Variants in LUZP2 observed in about 807,000 individuals in gnomAD.
LUZP2 encodes the protein leucine zipper protein 2.
Under a neutral mutation model 51.6 loss-of-function variants are expected in LUZP2, and 52 were observed. The observed-to-expected ratio is 1.01, with a 90% CI of 0.81 to 1.27. The LOEUF is 1.27. LUZP2 is among the 50% of genes most tolerant of loss of function. LUZP2 has a pLI of 0.00. For missense variants in LUZP2, 436 were observed against 395.4 expected, an observed-to-expected ratio of 1.10 and a Z score of -0.87; for synonymous variants, 154 against 137.3, an observed-to-expected ratio of 1.12 and a Z score of -0.85.
chr11:24,856,085 T>C (rs1158915938), intron 5 of LUZP2, among the ~76,000 whole-genome samples: 2 of 151,666 alleles, frequency 1.3e-5, no homozygotes, highest in Non-Finnish European at 2.9e-5. Flanking sequence ...CACAAGTAAG[T>C]AAAACAAAAA....
chr11:24,629,549 CATAT>C (rs3078021), intron 1 of LUZP2, among the ~76,000 whole-genome samples: 8 of 141,114 alleles, frequency 5.7e-5, no homozygotes, highest in South Asian at 4.5e-4. Flanking sequence ...TATTCCATTG[CATAT>C]ATATATATAT....
At chr11:24,503,735 A>G (rs1373505303) in intron 1 of LUZP2, among the ~76,000 whole-genome samples, 4 of 152,204 alleles carry the variant, frequency 2.6e-5, no homozygotes, top group African/African-American at 4.8e-5. Context: ...ACTAGAACCC[A>G]GAACTTTCCA....
In LUZP2 at chr11:24,569,669, TTC is replaced by T. The variant is rs536858822; in HGVS notation, c.62+72366_62+72367del. Among the ~76,000 whole-genome samples the T allele has an allele frequency of 1.9e-4, 26 of 139,620 alleles. 1 individual carries two copies. In the East Asian group the frequency reaches 1.9e-3, roughly 10 times the overall value. The allele number at this position is 139,620 out of a possible 152,430, so 91.6% of individuals were successfully genotyped here. On this transcript the variant is annotated intron_variant, in intron 1 of 11. Coordinates refer to ENST00000336930, the MANE Select transcript of LUZP2 (RefSeq NM_001009909.4). Reference sequence around the variant, plus strand: ...CTGATCATAGACATATTTACTTATTTTCTTTTTCTAATTTCACATTCTATATC... The same window carrying T: ...CTGATCATAGACATATTTACTTATTTTTTTTCTAATTTCACATTCTATATC...
chr11:24,751,744 G>A (rs148528647), intron 4 of LUZP2, among the ~76,000 whole-genome samples: 9 of 149,800 alleles, frequency 6.0e-5, no homozygotes, highest in Non-Finnish European at 1.2e-4. Context: ...GGGCTAAAAT[G>A]ACAAGATATT....
At chr11:24,662,464 T>G (rs1030752712) in intron 1 of LUZP2, among the ~76,000 whole-genome samples, 8 of 152,030 alleles carry the variant, frequency 5.3e-5, no homozygotes, top group Admixed American at 1.3e-4. Context: ...CAAACTAATA[T>G]CTCTCCCATT....
chr11:24,557,947 A>T (rs1247201320), intron 1 of LUZP2, among the ~76,000 whole-genome samples: 1 of 152,106 alleles, frequency 6.6e-6, no homozygotes, highest in East Asian at 1.9e-4. Flanking sequence ...AAGCTGCCCC[A>T]TGTGTGTCTG....
intron 5 of LUZP2, among the ~76,000 whole-genome samples, chr11:24,876,859 A>T (rs542264966): frequency 6.6e-6 from 1 of 152,182 alleles, no homozygotes; most frequent in South Asian, 2.1e-4. Flanking sequence ...CATAGAGATG[A>T]GGGTATCATG....
intron 1 of LUZP2, among the ~76,000 whole-genome samples, chr11:24,505,375 T>G (rs1336723007): frequency 6.6e-6 from 1 of 152,156 alleles, no homozygotes; most frequent in Non-Finnish European, 1.5e-5. Flanking sequence ...ACGGAGACTC[T>G]GAATCAGCCT....
intron 1 of LUZP2, among the ~76,000 whole-genome samples, chr11:24,709,396 A>G (rs1857732927): frequency 6.6e-6 from 1 of 152,164 alleles, no homozygotes; most frequent in Non-Finnish European, 1.5e-5. Context: ...AAGAGTACAG[A>G]GTATTCAGGA....
chr11:25,024,374 A>G (rs570981114), intron 9 of LUZP2, among the ~76,000 whole-genome samples: 7 of 152,274 alleles, frequency 4.6e-5, no homozygotes, highest in African/African-American at 1.4e-4. Context: ...TTTGCAGATG[A>G]CATGATTGTA....
At chr11:24,663,648 A>T (rs764641246) in intron 1 of LUZP2, among the ~76,000 whole-genome samples, 5 of 152,168 alleles carry the variant, frequency 3.3e-5, no homozygotes, top group Non-Finnish European at 5.9e-5. Context: ...TATGTAGTGA[A>T]TATGATTTAG....
chr11:24,524,681 A>T (rs2133809066), intron 1 of LUZP2, among the ~76,000 whole-genome samples: 1 of 151,858 alleles, frequency 6.6e-6, no homozygotes, highest in African/African-American at 2.4e-5. Context: ...GATTTACGTA[A>T]TTATGAGATA....
chr11:24,765,622 C>CTTTTTTTTT (rs1206343621), intron 5 of LUZP2, among the ~76,000 whole-genome samples: 1 of 127,762 alleles, frequency 7.8e-6, no homozygotes. Flanking sequence ...CCTTTTTTTT[C>CTTTTTTTTT]TTTTTTCTTT....
chr11:24,813,515 A>G (rs1850083128), intron 5 of LUZP2, among the ~76,000 whole-genome samples: 1 of 152,086 alleles, frequency 6.6e-6, no homozygotes, highest in East Asian at 1.9e-4. Context: ...GAGAGAGAAA[A>G]AGGGAGTCAG....
intron 5 of LUZP2, among the ~76,000 whole-genome samples, chr11:24,905,569 C>G (rs768950575): frequency 6.6e-6 from 1 of 152,042 alleles, no homozygotes; most frequent in Non-Finnish European, 1.5e-5. Context: ...AGTTAAACTG[C>G]GCTCTAGACC....
intron 7 of LUZP2, among the ~76,000 whole-genome samples, chr11:24,953,319 G>A (rs1453728900): frequency 6.6e-6 from 1 of 151,804 alleles, no homozygotes; most frequent in Admixed American, 6.6e-5. Flanking sequence ...ATAGCCCTAG[G>A]GGACCATGAT....
Position 24,497,184 on chromosome 11 carries a change from A to G in LUZP2, c.-60A>G. 1 of 1,333,942 alleles carries G rather than the reference A, an allele frequency of 7.5e-7. No individual in the cohort carries two copies. The highest frequency in any genetic ancestry group is 1.4e-5 in the South Asian group (1 of 70,988). 82.6% of individuals were successfully genotyped at this position (1,333,942 alleles called of 1,614,324 possible). A position where few individuals can be genotyped will look rare whatever the true frequency, so the allele number is the denominator to read the frequency against. On this transcript the variant is annotated 5_prime_UTR_variant, in exon 1 of 12. Coordinates refer to ENST00000336930, the MANE Select transcript of LUZP2 (RefSeq NM_001009909.4). ...ACAGAGCCGGGCACCAAGGAGCGACAGGATCCCGAAGAGAGAGAGAGAAGG... is the reference window on the plus strand; with the variant it reads ...ACAGAGCCGGGCACCAAGGAGCGACGGGATCCCGAAGAGAGAGAGAGAAGG...
intron 7 of LUZP2, among the ~76,000 whole-genome samples, chr11:24,926,243 G>GTA (rs1314392077): frequency 4.2e-5 from 6 of 143,432 alleles, no homozygotes; most frequent in South Asian, 2.2e-4. Flanking sequence ...ATATGTGTGT[G>GTA]TATATATATA....
At chr11:24,538,982 G>T (rs1054952133) in intron 1 of LUZP2, among the ~76,000 whole-genome samples, 1 of 151,810 alleles carries the variant, frequency 6.6e-6, no homozygotes, top group Non-Finnish European at 1.5e-5. Context: ...AATGTATACA[G>T]TAGACATATA....
Sources: gnomAD v4.1 joint callset for allele counts (sites outside exome capture counted in the v4.1 genomes callset) on GRCh38, gnomAD v4.1.1 for gene constraint, MANE v1.5 for transcripts, NCBI Gene and HGNC (gene_info 2026-07-23, HGNC 2026-07-21) for gene names.